Variants in UCK2 observed in about 807,000 individuals in gnomAD.
UCK2 encodes cytidine monophosphokinase 2.
In UCK2, 6 loss-of-function variants were observed where a neutral mutation model predicts 30.8. That is an observed-to-expected ratio of 0.19 (90% confidence interval 0.11 to 0.38). The LOEUF (loss-of-function observed/expected upper bound fraction) is 0.38. Among genes scored for constraint, UCK2 ranks in the 10% least tolerant of loss-of-function variants. The pLI is 1.00. For synonymous variants in UCK2, 125 were observed against 133.6 expected (o/e 0.94, Z 0.45); for missense variants, 210 against 339.8 (o/e 0.62, Z 3.00).
intron 1 of UCK2, among the ~76,000 whole-genome samples, chr1:165,834,767 T>G (rs932397185): frequency 6.6e-6 from 1 of 152,188 alleles, no homozygotes; most frequent in African/African-American, 2.4e-5. Flanking sequence ...GGTTTCTCCC[T>G]GTGAAACTAC....
intron 1 of UCK2, among the ~76,000 whole-genome samples, chr1:165,850,564 C>T (rs1654564756): frequency 1.3e-5 from 2 of 151,998 alleles, no homozygotes; most frequent in South Asian, 2.1e-4. Context: ...TTCAACCTCC[C>T]AAGTAGCTGG....
intron 1 of UCK2, among the ~76,000 whole-genome samples, chr1:165,842,276 A>G (rs776864486): frequency 6.6e-6 from 1 of 151,786 alleles, no homozygotes. Flanking sequence ...CATGTTCTGT[A>G]TTCTCCATTT....
chr1:165,906,380 T>G (rs147537015), intron 6 of UCK2, among the ~76,000 whole-genome samples: 1 of 152,308 alleles, frequency 6.6e-6, no homozygotes, highest in Non-Finnish European at 1.5e-5. Context: ...TACTTATTTT[T>G]CATTTTATTT....
At chr1:165,881,861 C>G (rs1655508489) in intron 1 of UCK2, among the ~76,000 whole-genome samples, 1 of 152,190 alleles carries the variant, frequency 6.6e-6, no homozygotes, top group Non-Finnish European at 1.5e-5. Flanking sequence ...ATGAGATTGG[C>G]ACTTCAGGGA....
At chr1:165,890,497 C>T (rs1655738922) in intron 2 of UCK2, 134 bp downstream of exon 2, 4 of 855,022 alleles carry the variant, frequency 4.7e-6, no homozygotes, top group Non-Finnish European at 7.3e-6. Context: ...TGATAACTAC[C>T]TTGCAGTGTT....
At chr1:165,845,584 T>A (rs749726562) in intron 1 of UCK2, among the ~76,000 whole-genome samples, 2 of 152,274 alleles carry the variant, frequency 1.3e-5, no homozygotes, top group East Asian at 1.9e-4. Flanking sequence ...TCCTTGAGAT[T>A]TGGGAAATAT....
chr1:165,907,538 G>T, intron 6 of UCK2, 146 bp from the exon 7 acceptor site: 1 of 1,113,616 alleles, frequency 9.0e-7, no homozygotes, highest in East Asian at 2.6e-5. Context: ...CTGGGAAGTT[G>T]GATGACTTGC....
At chr1:165,899,706 G>A (rs1647389796) in intron 4 of UCK2, among the ~76,000 whole-genome samples, 1 of 152,200 alleles carries the variant, frequency 6.6e-6, no homozygotes, top group South Asian at 2.1e-4. Flanking sequence ...TGATGGAGGG[G>A]CTGGTTTTGA....
intron 1 of UCK2, among the ~76,000 whole-genome samples, chr1:165,844,778 A>G (rs1286752167): frequency 6.6e-6 from 1 of 151,818 alleles, no homozygotes; most frequent in Non-Finnish European, 1.5e-5. Flanking sequence ...CCAAAAGGAC[A>G]GTGTTTGAAT....
At chr1:165,838,957 A>G (rs953133320) in intron 1 of UCK2, among the ~76,000 whole-genome samples, 2 of 152,128 alleles carry the variant, frequency 1.3e-5, no homozygotes, top group African/African-American at 2.4e-5. Context: ...CTGAGGCAGG[A>G]GAATCACTTG....
intron 1 of UCK2, among the ~76,000 whole-genome samples, chr1:165,832,889 T>G (rs1009674213): frequency 2.0e-5 from 3 of 151,860 alleles, no homozygotes; most frequent in African/African-American, 2.4e-5. Context: ...GCCCGGCCGG[T>G]TTTTTTTCTT....
chr1:165,839,811 T>C (rs1323394844), intron 1 of UCK2, among the ~76,000 whole-genome samples: 2 of 152,218 alleles, frequency 1.3e-5, no homozygotes, highest in African/African-American at 2.4e-5. Context: ...CGATAAAATG[T>C]ATGCAGAGGT....
chr1:165,905,734 C>T (rs908116937), intron 5 of UCK2, among the ~76,000 whole-genome samples, 187 bp from the exon 6 acceptor site: 13 of 152,116 alleles, frequency 8.5e-5, no homozygotes, highest in Admixed American at 6.5e-4. Context: ...CCTTAGGTTT[C>T]CCCAAATTTC....
chr1:165,887,547 G>A (rs1655646902), intron 1 of UCK2, among the ~76,000 whole-genome samples: 1 of 152,036 alleles, frequency 6.6e-6, no homozygotes, highest in South Asian at 2.1e-4. Flanking sequence ...ATCACAATTT[G>A]AATAACTAGA....
At chr1:165,885,886 A>G (rs1414707162) in intron 1 of UCK2, among the ~76,000 whole-genome samples, 5 of 152,242 alleles carry the variant, frequency 3.3e-5, no homozygotes, top group Admixed American at 3.3e-4. Context: ...TATAGTGATA[A>G]TAATTTTTAA....
intron 1 of UCK2, among the ~76,000 whole-genome samples, 162 bp downstream of exon 1, chr1:165,828,094 G>T (rs1392476227): frequency 2.0e-5 from 3 of 150,734 alleles, no homozygotes; most frequent in Non-Finnish European, 3.0e-5. Context: ...GCGCGGCCTG[G>T]GGGCGCTGCG....
chr1:165,904,113 C>G (rs903368809), intron 5 of UCK2: 4 of 152,200 alleles, frequency 2.6e-5, no homozygotes, highest in African/African-American at 9.7e-5. Flanking sequence ...TTAACCTGGT[C>G]TTGGTTGAGA....
intron 2 of UCK2, 28 bp downstream of exon 2, chr1:165,890,391 A>T: frequency 6.2e-7 from 1 of 1,607,240 alleles, no homozygotes; most frequent in African/African-American, 1.3e-5. Context: ...GGGGGTATGT[A>T]TCTGTATTGG....
chr1:165,909,154 T>C lies in UCK2; in HGVS notation c.*1331T>C, dbSNP rs1647770442. 2.0e-5 allele frequency: 3 copies of C among 152,176 alleles called. No individual in the cohort carries two copies. The highest frequency in any genetic ancestry group is 2.0e-4 in the Admixed American group (3 of 15,288). 9.4% of individuals were successfully genotyped at this position (152,176 alleles called of 1,614,324 possible). A position where few individuals can be genotyped will look rare whatever the true frequency, so the allele number is the denominator to read the frequency against. ...TTGGGGTGGAGATTTCTAGCTTTCC[T>C]GAGAGCTGCTGCTTGGTGGTAGTGT... On this transcript the variant is annotated 3_prime_UTR_variant, in exon 7 of 7. Transcript: ENST00000367879.
Sources: allele counts gnomAD v4.1 joint callset (sites outside exome capture counted in the v4.1 genomes callset), GRCh38; gene constraint gnomAD v4.1.1; transcripts MANE v1.5; gene names NCBI Gene and HGNC (gene_info 2026-07-23, HGNC 2026-07-21).